The following FBXL7 variants were observed in gnomAD, a reference collection of about 807,000 sequenced individuals.
FBXL7 encodes F-box and leucine rich repeat protein 7.
A neutral mutation model predicts 38.3 loss-of-function variants in FBXL7; 12 were observed. The observed-to-expected ratio is 0.31, with a 90% CI of 0.20 to 0.51. The LOEUF (loss-of-function observed/expected upper bound fraction) is 0.51. Among genes scored for constraint, FBXL7 ranks in the 20% least tolerant of loss-of-function variants. The pLI, the probability that FBXL7 is intolerant of heterozygous loss-of-function variation, is 0.98. For missense variants in FBXL7, 567 were observed against 676.4 expected, an observed-to-expected ratio of 0.84 and a Z score of 1.79; for synonymous variants, 297 against 300.9, an observed-to-expected ratio of 0.99 and a Z score of 0.13.
intron 2 of FBXL7, among the ~76,000 whole-genome samples, chr5:15,672,897 CTG>C (rs1742527012): frequency 1.3e-5 from 2 of 152,184 alleles, no homozygotes; most frequent in Non-Finnish European, 2.9e-5. Context: ...AATTGTCCAC[CTG>C]TCTTTTTTCT....
chr5:15,875,620 A>G (rs1740167413), intron 2 of FBXL7, among the ~76,000 whole-genome samples: 1 of 152,244 alleles, frequency 6.6e-6, no homozygotes, highest in Non-Finnish European at 1.5e-5. Context: ...TTTCAAAAGA[A>G]GACATTTATA....
At chr5:15,612,179 C>T (rs899541838) in intron 1 of FBXL7, among the ~76,000 whole-genome samples, 2 of 151,648 alleles carry the variant, frequency 1.3e-5, no homozygotes, top group African/African-American at 2.4e-5. Flanking sequence ...AAGAGATATA[C>T]AGTATATCTG....
intron 1 of FBXL7, among the ~76,000 whole-genome samples, chr5:15,541,443 G>GTGTATATATATATA (rs1264820921): frequency 4.4e-4 from 17 of 38,440 alleles, no homozygotes; most frequent in South Asian, 1.3e-3. Flanking sequence ...GTGTGTGTGT[G>GTGTATATATATATA]TATATATATA....
intron 2 of FBXL7, among the ~76,000 whole-genome samples, chr5:15,824,606 T>A (rs1031693872): frequency 5.3e-5 from 8 of 152,224 alleles, no homozygotes; most frequent in Non-Finnish European, 8.8e-5. Flanking sequence ...TAAGTGCAAT[T>A]CAAAGGAAAA....
intron 2 of FBXL7, among the ~76,000 whole-genome samples, chr5:15,711,239 A>G (rs1225730156): frequency 2.6e-5 from 4 of 152,166 alleles, no homozygotes; most frequent in East Asian, 1.9e-4. Context: ...GAGAATTGTT[A>G]CTTGCCTCAT....
At chr5:15,913,813 A>T (rs538691216) in intron 2 of FBXL7, among the ~76,000 whole-genome samples, 1 of 152,312 alleles carries the variant, frequency 6.6e-6, no homozygotes, top group South Asian at 2.1e-4. Flanking sequence ...CTCCTTTCCC[A>T]AGCTTTGCAA....
chr5:15,653,913 T>C (rs1741788309), intron 2 of FBXL7, among the ~76,000 whole-genome samples: 1 of 152,232 alleles, frequency 6.6e-6, no homozygotes, highest in South Asian at 2.1e-4. Flanking sequence ...AAACTAATTT[T>C]GTTTTTCTTC....
At chr5:15,741,928 C>T (rs528706455) in intron 2 of FBXL7, among the ~76,000 whole-genome samples, 19 of 152,150 alleles carry the variant, frequency 1.2e-4, no homozygotes, top group Middle Eastern at 3.4e-3. Context: ...TCCCTGGCCT[C>T]GGGTGGTTAC....
intron 2 of FBXL7, among the ~76,000 whole-genome samples, chr5:15,830,530 A>T (rs1738430088): frequency 6.7e-6 from 1 of 149,382 alleles, no homozygotes; most frequent in Admixed American, 6.7e-5. Context: ...ACACACGGAA[A>T]ATTTTGCAAA....
chr5:15,827,702 G>A (rs1738353192), intron 2 of FBXL7, among the ~76,000 whole-genome samples: 1 of 152,218 alleles, frequency 6.6e-6, no homozygotes, highest in African/African-American at 2.4e-5. Flanking sequence ...ACCACTCAAA[G>A]GTCTCCTCTC....
At chr5:15,525,487 G>C (rs1164154049) in intron 1 of FBXL7, among the ~76,000 whole-genome samples, 1 of 152,122 alleles carries the variant, frequency 6.6e-6, no homozygotes, top group Non-Finnish European at 1.5e-5. Context: ...ATTGAAGCTG[G>C]AGAAGTGCAA....
chr5:15,620,806 G>A (rs1318648086), intron 2 of FBXL7, among the ~76,000 whole-genome samples: 1 of 152,194 alleles, frequency 6.6e-6, no homozygotes, highest in Non-Finnish European at 1.5e-5. Flanking sequence ...AGTTCTGGAA[G>A]AATTGTGAGA....
chr5:15,709,788 G>C (rs1378168406), intron 2 of FBXL7, among the ~76,000 whole-genome samples: 1 of 152,158 alleles, frequency 6.6e-6, no homozygotes, highest in African/African-American at 2.4e-5. Flanking sequence ...AGATCAAGGT[G>C]CTGGCAGATT....
At chr5:15,880,105 C>T (rs1740378571) in intron 2 of FBXL7, among the ~76,000 whole-genome samples, 1 of 152,172 alleles carries the variant, frequency 6.6e-6, no homozygotes, top group Admixed American at 6.5e-5. Flanking sequence ...TTCACAGCTG[C>T]CTTCCATGAT....
chr5:15,543,259 G>A (rs575125647), intron 1 of FBXL7, among the ~76,000 whole-genome samples: 15 of 152,252 alleles, frequency 9.9e-5, no homozygotes, highest in East Asian at 1.9e-4. Flanking sequence ...GCAAAGGTAC[G>A]TCTTACATGG....
At chr5:15,788,627 A>G (rs2126728472) in intron 2 of FBXL7, among the ~76,000 whole-genome samples, 1 of 151,510 alleles carries the variant, frequency 6.6e-6, no homozygotes, top group African/African-American at 2.4e-5. Context: ...TGCTGGAAAC[A>G]TCACTCTCCC....
At chr5:15,868,461 C>T (rs983784459) in intron 2 of FBXL7, among the ~76,000 whole-genome samples, 4 of 152,176 alleles carry the variant, frequency 2.6e-5, no homozygotes, top group Non-Finnish European at 4.4e-5. Flanking sequence ...ATACCTTCTC[C>T]GGCATGGACT....
At chr5:15,638,261 C>A (rs879820847) in intron 2 of FBXL7, among the ~76,000 whole-genome samples, 3 of 152,154 alleles carry the variant, frequency 2.0e-5, no homozygotes, top group South Asian at 2.1e-4. Context: ...CAGACTTTCA[C>A]GTGCAGTGGA....
At chr5:15,613,625 T>C (rs1740333813) in intron 1 of FBXL7, among the ~76,000 whole-genome samples, 1 of 152,162 alleles carries the variant, frequency 6.6e-6, no homozygotes, top group South Asian at 2.1e-4. Context: ...TAATATCACC[T>C]GAGCCATTCC....
Sources: gnomAD v4.1 joint callset for allele counts (sites outside exome capture counted in the v4.1 genomes callset) on GRCh38, gnomAD v4.1.1 for gene constraint, MANE v1.5 for transcripts, NCBI Gene and HGNC (gene_info 2026-07-23, HGNC 2026-07-21) for gene names.